Variants in EMSY observed in about 807,000 individuals in gnomAD.
EMSY encodes the protein EMSY transcriptional repressor, BRCA2 interacting.
In EMSY, 26 loss-of-function variants were observed where a neutral mutation model predicts 134.6. The ratio of observed to expected loss-of-function variants is 0.19; its 90% CI spans 0.14 to 0.27. The LOEUF is 0.27. EMSY is among the 10% of genes least tolerant of loss of function. EMSY has a pLI of 1.00. For synonymous variants in EMSY, 579 were observed against 577.8 expected (o/e 1.00, Z -0.03); for missense variants, 1,305 against 1,611.4 (o/e 0.81, Z 3.26).
At chr11:76,500,546 A>G (rs941198513) in intron 9 of EMSY, among the ~76,000 whole-genome samples, 2 of 152,228 alleles carry the variant, frequency 1.3e-5, no homozygotes, top group African/African-American at 4.8e-5. Context: ...AGAAATATCA[A>G]AAATGAACCC....
At position 76,446,853 on chromosome 11, in the gene EMSY, G is replaced by A. The variant is rs1947434001; in HGVS notation, c.-39-47G>A. The A allele has an allele frequency of 2.3e-6, 3 of 1,296,280 alleles. No homozygotes were observed. In the South Asian group the frequency reaches 3.9e-5, roughly 17 times the overall value. The allele number at this position is 1,296,280 out of a possible 1,614,324, so 80.3% of individuals were successfully genotyped here. ...TCTCCAGGTGAGTGGCCCCTTGAATGTACTTTGGTACTTTGGTAATTTGAC... is the reference window on the plus strand; with the variant it reads ...TCTCCAGGTGAGTGGCCCCTTGAATATACTTTGGTACTTTGGTAATTTGAC... On this transcript the variant is annotated intron_variant, in intron 1 of 20. Coordinates refer to ENST00000334736, the Ensembl canonical transcript of EMSY.
chr11:76,523,032 A>G, intron 11 of EMSY, 123 bp from the exon 13 acceptor site: 1 of 941,202 alleles, frequency 1.1e-6, no homozygotes, highest in East Asian at 2.7e-5. Flanking sequence ...CATCATCTTG[A>G]CAGCTTTCAT....
Position 76,467,048 on chromosome 11 carries a change from A to C in EMSY, c.831+2968A>C, listed in dbSNP as rs373320372. 9.2e-5 allele frequency among the ~76,000 whole-genome samples: 14 copies of C among 152,358 alleles called. No individual in the cohort carries two copies. The East Asian group carries it at 2.5e-3, about 27-fold the overall frequency. ...TCCAAATAAATGAATTCATCAGTTC[A>C]TTGAAGCATATCCCTTCATATATAG... On this transcript the variant is annotated intron_variant, in intron 7 of 20. Coordinates refer to ENST00000334736, the Ensembl canonical transcript of EMSY.
intron 8 of EMSY, among the ~76,000 whole-genome samples, chr11:76,492,523 A>T (rs1949463958): frequency 6.6e-6 from 1 of 152,190 alleles, no homozygotes; most frequent in South Asian, 2.1e-4. Context: ...AAATACAAGC[A>T]TCCTGAATGC....
At chr11:76,521,595 T>C (rs1356727879) in intron 11 of EMSY, among the ~76,000 whole-genome samples, 3 of 151,846 alleles carry the variant, frequency 2.0e-5, no homozygotes, top group African/African-American at 7.3e-5. Context: ...AGACCCCATC[T>C]CTACCAAAAA....
chr11:76,459,801 A>C, intron 5 of EMSY, 132 bp from the exon 7 acceptor site: 2 of 920,512 alleles, frequency 2.2e-6, no homozygotes, highest in Non-Finnish European at 3.3e-6. Context: ...CTGTGGACCT[A>C]ATACCTAGTA....
intron 7 of EMSY, among the ~76,000 whole-genome samples, chr11:76,465,350 G>A (rs1948305725): frequency 6.6e-6 from 1 of 151,998 alleles, no homozygotes; most frequent in Admixed American, 6.6e-5. Flanking sequence ...CGTGACTGTG[G>A]GAAAACTAAA....
intron 8 of EMSY, among the ~76,000 whole-genome samples, chr11:76,491,330 G>A (rs541223719): frequency 2.0e-5 from 3 of 152,072 alleles, no homozygotes; most frequent in South Asian, 4.2e-4. Context: ...ACAGGTGTGT[G>A]CTGCCATGCC....
chr11:76,539,301 G>A (rs1565361083), intron 16 of EMSY, among the ~76,000 whole-genome samples: 1 of 152,072 alleles, frequency 6.6e-6, no homozygotes, highest in Non-Finnish European at 1.5e-5. Flanking sequence ...AGTGGTTAAA[G>A]GAGAACATAA....
At chr11:76,483,023 A>G (rs2135528560) in intron 8 of EMSY, among the ~76,000 whole-genome samples, 1 of 152,354 alleles carries the variant, frequency 6.6e-6, no homozygotes, top group East Asian at 1.9e-4. Context: ...TTACCCACAA[A>G]GGGAAGCCCA....
chr11:76,457,453 G>T (rs985181595), intron 4 of EMSY, among the ~76,000 whole-genome samples: 2 of 152,140 alleles, frequency 1.3e-5, no homozygotes, highest in Non-Finnish European at 2.9e-5. Context: ...AGGAATTTTG[G>T]GTAGAGAAAC....
At chr11:76,519,313 C>A (rs2513505) in intron 11 of EMSY, among the ~76,000 whole-genome samples, 82,058 of 152,000 alleles carry the variant, frequency 0.54, 23,263 homozygotes, top group East Asian at 0.67. Flanking sequence ...GATCCACCTG[C>A]CTTGGGCTCC....
At chr11:76,537,666 A>T in intron 15 of EMSY, 129 bp from the exon 17 acceptor site, 2 of 765,398 alleles carry the variant, frequency 2.6e-6, no homozygotes, top group Non-Finnish European at 4.1e-6. Flanking sequence ...TTTTCTTTTC[A>T]ATTCACTGTC....
intron 15 of EMSY, 128 bp from the exon 17 acceptor site, chr11:76,537,667 A>T: frequency 2.6e-6 from 2 of 772,774 alleles, no homozygotes; most frequent in Non-Finnish European, 4.0e-6. Context: ...TTTCTTTTCA[A>T]TTCACTGTCT....
intron 8 of EMSY, among the ~76,000 whole-genome samples, chr11:76,477,720 C>T (rs1948822773): frequency 6.6e-6 from 1 of 152,094 alleles, no homozygotes; most frequent in South Asian, 2.1e-4. Context: ...ATTCATCTTC[C>T]TTTTTCCTCC....
chr11:76,515,168 A>G (rs1050745366), intron 10 of EMSY, among the ~76,000 whole-genome samples: 6 of 132,210 alleles, frequency 4.5e-5, no homozygotes, highest in Admixed American at 1.6e-4. Flanking sequence ...TAATGGTTGT[A>G]TTTTTCAAAG....
At chr11:76,513,459 C>A (rs1487922486) in exon 10 of EMSY, 1 of 1,613,732 alleles carries the variant, frequency 6.2e-7, no homozygotes, top group Admixed American at 1.7e-5. Flanking sequence ...CTCTACCCAC[C>A]AGTAGCAATT....
chr11:76,450,489 CTT>C (rs764412635), intron 2 of EMSY, among the ~76,000 whole-genome samples: 1 of 142,552 alleles, frequency 7.0e-6, no homozygotes. Context: ...ACAGACATTC[CTT>C]TTTTTTTTTT....
intron 14 of EMSY, among the ~76,000 whole-genome samples, chr11:76,531,485 C>T (rs1951038641): frequency 6.6e-6 from 1 of 151,976 alleles, no homozygotes; most frequent in Admixed American, 6.6e-5. Flanking sequence ...CTGATGTTTC[C>T]TCATGATTAG....
Sources: gnomAD v4.1 joint callset for allele counts (sites outside exome capture counted in the v4.1 genomes callset) on GRCh38, gnomAD v4.1.1 for gene constraint, MANE v1.5 for transcripts, NCBI Gene and HGNC (gene_info 2026-07-23, HGNC 2026-07-21) for gene names.